SHISA9: variants seen among roughly 807,000 people sequenced by gnomAD.
SHISA9 encodes the protein protein shisa-9.
SHISA9 carries 13 observed loss-of-function variants against 38.0 expected under a neutral mutation model. The ratio of observed to expected loss-of-function variants is 0.34; its 90% confidence interval spans 0.22 to 0.54. The LOEUF is 0.54. SHISA9 is among the 20% of genes least tolerant of loss of function. SHISA9 has a pLI of 0.91. For missense variants in SHISA9, 538 were observed against 575.8 expected (o/e 0.93, Z 0.67); for synonymous variants, 275 against 242.0 (o/e 1.14, Z -1.27).
the SHISA9 span, among the ~76,000 whole-genome samples, chr16:13,438,157 C>T: frequency 6.6e-6 from 1 of 152,198 alleles, no homozygotes; most frequent in Non-Finnish European, 1.5e-5. Context: ...TGAGCCACCG[C>T]ACCCGGCCTC....
At chr16:13,158,568 G>C (rs963707217) in intron 2 of SHISA9, among the ~76,000 whole-genome samples, 2 of 152,066 alleles carry the variant, frequency 1.3e-5, no homozygotes, top group Non-Finnish European at 2.9e-5. Context: ...CTGTTACTTG[G>C]GCTACCAGCT....
intron 2 of SHISA9, among the ~76,000 whole-genome samples, chr16:12,934,641 C>T (rs953538504): frequency 6.6e-6 from 1 of 152,172 alleles, no homozygotes; most frequent in Non-Finnish European, 1.5e-5. Flanking sequence ...ATTTTGTTTT[C>T]AGGCAGGCTT....
the SHISA9 span, among the ~76,000 whole-genome samples, chr16:13,363,757 G>C: frequency 3.9e-5 from 6 of 152,172 alleles, no homozygotes; most frequent in Admixed American, 6.5e-5. Flanking sequence ...TGCATTGCTT[G>C]GTGGTTTTAA....
the SHISA9 span, among the ~76,000 whole-genome samples, chr16:13,302,143 C>G: frequency 2.0e-5 from 3 of 152,040 alleles, no homozygotes; most frequent in Non-Finnish European, 4.4e-5. Flanking sequence ...GTTTCTCGGT[C>G]CAGTTGTGTC....
chr16:13,091,869 AG>A (rs1181385383), intron 2 of SHISA9, among the ~76,000 whole-genome samples: 5 of 152,162 alleles, frequency 3.3e-5, no homozygotes, highest in African/African-American at 1.2e-4. Flanking sequence ...GATCCTTTGG[AG>A]GAGAAGAGGC....
chr16:13,353,853 A>G, the SHISA9 span, among the ~76,000 whole-genome samples: 2 of 152,160 alleles, frequency 1.3e-5, no homozygotes, highest in African/African-American at 4.8e-5. Context: ...TTCACTGAAT[A>G]CTAAGAGCCT....
the SHISA9 span, among the ~76,000 whole-genome samples, chr16:13,465,983 A>G: frequency 5.9e-5 from 9 of 152,268 alleles, no homozygotes; most frequent in Admixed American, 1.3e-4. Context: ...ATGATTTGCA[A>G]TCTGCCCCTT....
the SHISA9 span, among the ~76,000 whole-genome samples, chr16:13,324,349 T>C: frequency 6.6e-6 from 1 of 152,130 alleles, no homozygotes; most frequent in African/African-American, 2.4e-5. Context: ...TGGGAGTTTC[T>C]GTAGCTCAAG....
At chr16:13,338,839 C>A in the SHISA9 span, among the ~76,000 whole-genome samples, 1 of 152,144 alleles carries the variant, frequency 6.6e-6, no homozygotes, top group East Asian at 1.9e-4. Flanking sequence ...AATGGAAGAA[C>A]AAATGGCACA....
chr16:13,312,485 A>G, the SHISA9 span, among the ~76,000 whole-genome samples: 1 of 152,206 alleles, frequency 6.6e-6, no homozygotes, highest in East Asian at 1.9e-4. Context: ...ACAATATGCT[A>G]AGAGCCTTAA....
the SHISA9 span, among the ~76,000 whole-genome samples, chr16:13,366,306 T>C: frequency 6.6e-6 from 1 of 152,230 alleles, no homozygotes; most frequent in Non-Finnish European, 1.5e-5. Context: ...ATAGACAGAA[T>C]CAGCCTGTGA....
intron 2 of SHISA9, among the ~76,000 whole-genome samples, chr16:12,961,088 G>GTCAGGGT (rs1378409869): frequency 3.9e-5 from 6 of 152,182 alleles, no homozygotes; most frequent in Non-Finnish European, 7.3e-5. Flanking sequence ...GGGGTCAGGG[G>GTCAGGGT]ACGTTTTCCT....
the SHISA9 span, among the ~76,000 whole-genome samples, chr16:13,399,803 G>A: frequency 6.6e-6 from 1 of 152,212 alleles, no homozygotes; most frequent in Non-Finnish European, 1.5e-5. Flanking sequence ...AGTGGGTCCT[G>A]AGAATCTGCA....
At chr16:12,994,976 A>G (rs993363132) in intron 2 of SHISA9, among the ~76,000 whole-genome samples, 1 of 152,174 alleles carries the variant, frequency 6.6e-6, no homozygotes, top group Non-Finnish European at 1.5e-5. Flanking sequence ...TGGGCTAAAG[A>G]TATGCTTTTT....
chr16:13,401,013 G>C, the SHISA9 span, among the ~76,000 whole-genome samples: 2 of 152,058 alleles, frequency 1.3e-5, no homozygotes, highest in African/African-American at 4.8e-5. Context: ...ATGCATCCTG[G>C]GCCCTTAGGG....
chr16:13,132,284 A>C (rs2050312778), intron 2 of SHISA9, among the ~76,000 whole-genome samples: 1 of 152,188 alleles, frequency 6.6e-6, no homozygotes, highest in Non-Finnish European at 1.5e-5. Context: ...ATGAGAATGA[A>C]AACAGTTAAA....
At chr16:13,483,131 T>C in the SHISA9 span, among the ~76,000 whole-genome samples, 1 of 151,968 alleles carries the variant, frequency 6.6e-6, no homozygotes, top group East Asian at 1.9e-4. Context: ...AGTGTCAGGG[T>C]CTTTGCTTTT....
At chr16:13,366,941 CCACTG>C in the SHISA9 span, among the ~76,000 whole-genome samples, 2 of 148,166 alleles carry the variant, frequency 1.3e-5, no homozygotes, top group East Asian at 4.0e-4. Context: ...TGAGATCTCG[CCACTG>C]CACTCCAGCA....
the SHISA9 span, chr16:13,331,339 G>A: frequency 1.3e-4 from 19 of 151,620 alleles, no homozygotes; most frequent in East Asian, 2.1e-3. Flanking sequence ...AATTGTGAAC[G>A]TCTGATGGAA....
Sources: gnomAD v4.1 joint callset for allele counts (sites outside exome capture counted in the v4.1 genomes callset) on GRCh38, gnomAD v4.1.1 for gene constraint, MANE v1.5 for transcripts, NCBI Gene and HGNC (gene_info 2026-07-23, HGNC 2026-07-21) for gene names.